Variants in PCDH9 observed in about 807,000 individuals in gnomAD.
PCDH9 encodes protocadherin 9, also known as protocadherin-9.
In PCDH9, 24 loss-of-function variants were observed where a neutral mutation model predicts 70.6. The observed-to-expected ratio is 0.34, with a 90% CI of 0.25 to 0.48. The LOEUF is 0.48. Among genes scored for constraint, PCDH9 ranks in the 20% least tolerant of loss-of-function variants. The pLI is 0.99. For synonymous variants in PCDH9, 562 were observed against 558.5 expected (o/e 1.01, Z -0.09); for missense variants, 1,281 against 1,503.6 (o/e 0.85, Z 2.45).
At chr13:67,065,832 G>C (rs2085636143) in intron 2 of PCDH9, among the ~76,000 whole-genome samples, 4 of 152,038 alleles carry the variant, frequency 2.6e-5, no homozygotes. Flanking sequence ...TTATATCTAA[G>C]AAAGTTAAGA....
chr13:67,214,635 A>G (rs572112347), intron 2 of PCDH9: 2 of 152,228 alleles, frequency 1.3e-5, no homozygotes, highest in South Asian at 2.1e-4. Flanking sequence ...GTGAAACAAC[A>G]GGGATTAAGA....
intron 2 of PCDH9, among the ~76,000 whole-genome samples, chr13:67,018,398 A>G (rs1202475137): frequency 6.6e-6 from 1 of 152,106 alleles, no homozygotes; most frequent in East Asian, 1.9e-4. Context: ...AAGGGGATGG[A>G]TCACAAGGTC....
intron 2 of PCDH9, among the ~76,000 whole-genome samples, chr13:66,911,880 C>T (rs878944377): frequency 6.6e-6 from 1 of 152,136 alleles, no homozygotes; most frequent in Admixed American, 6.6e-5. Context: ...TCTCTTCAAA[C>T]GTATTCGAAG....
At chr13:67,160,618 A>C (rs532326488) in intron 2 of PCDH9, among the ~76,000 whole-genome samples, 1 of 151,876 alleles carries the variant, frequency 6.6e-6, no homozygotes, top group East Asian at 1.9e-4. Context: ...AAATACCATG[A>C]TTCAAGACAA....
intron 4 of PCDH9, among the ~76,000 whole-genome samples, chr13:66,434,823 G>A (rs1957838903): frequency 6.6e-6 from 1 of 151,968 alleles, no homozygotes. Context: ...ATAATGCTAA[G>A]GGTCTATAAG....
chr13:67,061,776 C>T (rs1036924448), intron 2 of PCDH9, among the ~76,000 whole-genome samples: 4 of 152,064 alleles, frequency 2.6e-5, no homozygotes, highest in Non-Finnish European at 4.4e-5. Flanking sequence ...AACAACCTTC[C>T]TACTGTTTTA....
chr13:67,034,046 G>A (rs1408472619), intron 2 of PCDH9, among the ~76,000 whole-genome samples: 2 of 152,064 alleles, frequency 1.3e-5, no homozygotes, highest in African/African-American at 2.4e-5. Context: ...GTGCAGTGGC[G>A]TGATCTTGGC....
chr13:66,968,070 G>A lies in PCDH9; in HGVS notation c.3037-64465C>T, dbSNP rs376319762. On this transcript the variant is annotated intron_variant, in intron 2 of 4. Coordinates refer to ENST00000377865, the MANE Select transcript of PCDH9 (RefSeq NM_203487.3). ...GTTAGAAAGAAGCTACTTCATTACA[G>A]AAAATCCAAATTTACCTGCTTATAT... 3.5e-4 allele frequency among the ~76,000 whole-genome samples: 53 copies of A among 152,136 alleles called. No individual in the cohort carries two copies. In the South Asian group the frequency reaches 0.011, roughly 31 times the overall value.
At chr13:66,321,243 C>G (rs1955747628) in intron 4 of PCDH9, among the ~76,000 whole-genome samples, 2 of 152,062 alleles carry the variant, frequency 1.3e-5, no homozygotes, top group Admixed American at 1.3e-4. Flanking sequence ...GAATGCTAAT[C>G]TGCCATTAGA....
intron 2 of PCDH9, among the ~76,000 whole-genome samples, chr13:67,030,511 C>A (rs1026922179): frequency 2.0e-5 from 3 of 151,938 alleles, no homozygotes; most frequent in Admixed American, 6.6e-5. Flanking sequence ...ACACACACAC[C>A]TTTCCCAGCC....
chr13:66,890,095 T>C (rs756988212), intron 3 of PCDH9, among the ~76,000 whole-genome samples: 1 of 152,140 alleles, frequency 6.6e-6, no homozygotes, highest in Non-Finnish European at 1.5e-5. Flanking sequence ...TATCTGGCAA[T>C]ATATTAGGTT....
chr13:67,043,156 A>G (rs1481800659), intron 2 of PCDH9, among the ~76,000 whole-genome samples: 2 of 152,198 alleles, frequency 1.3e-5, no homozygotes, highest in African/African-American at 2.4e-5. Context: ...TCCTCAAGGG[A>G]TAAGAAATTG....
chr13:66,865,693 C>T (rs1458085892), intron 3 of PCDH9, among the ~76,000 whole-genome samples: 2 of 152,118 alleles, frequency 1.3e-5, no homozygotes, highest in African/African-American at 2.4e-5. Context: ...TGGAAATGTC[C>T]GCTTCCTTCG....
chr13:66,513,118 A>G (rs984870675), intron 4 of PCDH9, among the ~76,000 whole-genome samples: 6 of 151,798 alleles, frequency 4.0e-5, no homozygotes, highest in Non-Finnish European at 5.9e-5. Flanking sequence ...GTACCAGACC[A>G]GTACACATTC....
intron 2 of PCDH9, among the ~76,000 whole-genome samples, chr13:66,945,460 G>A (rs1163415677): frequency 1.3e-5 from 2 of 152,050 alleles, no homozygotes; most frequent in Non-Finnish European, 2.9e-5. Context: ...AACCTAGAAG[G>A]GTAAAAGGGA....
At chr13:67,177,862 A>G (rs114990773) in intron 2 of PCDH9, among the ~76,000 whole-genome samples, 1,565 of 152,172 alleles carry the variant, frequency 0.01, 38 homozygotes, top group African/African-American at 0.036. Flanking sequence ...ATAATTGCTC[A>G]ATAAACATTT....
intron 4 of PCDH9, among the ~76,000 whole-genome samples, chr13:66,622,089 C>T (rs368651816): frequency 7.9e-5 from 12 of 152,226 alleles, no homozygotes; most frequent in African/African-American, 2.9e-4. Context: ...GCTTAGCACC[C>T]GGGCCAGCGG....
chr13:66,925,032 G>C (rs1185115056), intron 2 of PCDH9, among the ~76,000 whole-genome samples: 3 of 151,738 alleles, frequency 2.0e-5, no homozygotes, highest in African/African-American at 7.2e-5. Flanking sequence ...ATCTGAAACT[G>C]TCAAATTGGA....
chr13:67,156,984 C>G (rs115019678), intron 2 of PCDH9, among the ~76,000 whole-genome samples: 1 of 152,236 alleles, frequency 6.6e-6, no homozygotes, highest in South Asian at 2.1e-4. Context: ...ATCGCTTTAA[C>G]ACATTTCCTC....
Sources: allele counts gnomAD v4.1 joint callset (sites outside exome capture counted in the v4.1 genomes callset), GRCh38; gene constraint gnomAD v4.1.1; transcripts MANE v1.5; gene names NCBI Gene and HGNC (gene_info 2026-07-23, HGNC 2026-07-21).